The following ARF4 variants were observed in gnomAD, a reference collection of about 807,000 sequenced individuals.
The protein encoded by ARF4 is ARF GTPase 4, also known as ADP-ribosylation factor 4.
Under a neutral mutation model 24.3 loss-of-function variants are expected in ARF4, and 5 were observed. That is an observed-to-expected ratio of 0.21 (90% CI 0.11 to 0.43). The LOEUF is 0.43. Among genes scored for constraint, ARF4 ranks in the 20% least tolerant of loss-of-function variants. The pLI, the probability that ARF4 is intolerant of heterozygous loss-of-function variation, is 1.00. For missense variants in ARF4, 107 were observed against 213.0 expected, an observed-to-expected ratio of 0.50 and a Z score of 3.10; for synonymous variants, 62 against 73.5, an observed-to-expected ratio of 0.84 and a Z score of 0.80.
Position 57,577,405 on chromosome 3 carries a change from C to T in ARF4, c.259-18G>A. On this transcript the variant is annotated intron_variant, in intron 3 of 5. Transcript: ENST00000303436. ...ATAAGACCCTGGGGAAAAATTGTTT[C>T]AGTAAATTTTAACAGTTAAACGACA... 6.2e-7 allele frequency: 1 copy of T among 1,607,756 alleles called. No homozygotes were observed. Among genetic ancestry groups the T allele is most frequent in the Non-Finnish European group, 8.5e-7 (1 of 1,174,578 alleles).
chr3:57,577,398 ATTG>A lies in ARF4; in HGVS notation c.259-14_259-12del. 2 of 1,583,004 alleles carry A rather than the reference ATTG, an allele frequency of 1.3e-6. No homozygotes were observed. The highest frequency in any genetic ancestry group is 1.7e-6 in the Non-Finnish European group (2 of 1,152,782). ...CACAAAAATAAGACCCTGGGGAAAA[ATTG>A]TTTCAGTAAATTTTAACAGTTAAAC... On this transcript the variant is annotated splice_polypyrimidine_tract_variant and intron_variant, in intron 3 of 5. Coordinates refer to ENST00000303436, the MANE Select transcript of ARF4 (RefSeq NM_001660.4).
intron 1 of ARF4, among the ~76,000 whole-genome samples, chr3:57,591,781 GACA>G (rs2070119857): frequency 6.6e-6 from 1 of 151,978 alleles, no homozygotes; most frequent in African/African-American, 2.4e-5. Flanking sequence ...AATGAACTTT[GACA>G]ACATCATGCC....
At position 57,572,059 on chromosome 3, in the gene ARF4, C is replaced by T; in HGVS notation, c.*153G>A. 2 of 601,840 alleles carry T rather than the reference C, an allele frequency of 3.3e-6. No individual in the cohort carries two copies. Among genetic ancestry groups the T allele is most frequent in the South Asian group, 4.3e-5 (2 of 46,046 alleles). 37.3% of individuals were successfully genotyped at this position (601,840 alleles called of 1,614,324 possible). On this transcript the variant is annotated 3_prime_UTR_variant, in exon 6 of 6. Coordinates refer to ENST00000303436, the MANE Select transcript of ARF4 (RefSeq NM_001660.4). Reference sequence around the variant, plus strand: ...CACATTGCTAAATAGCAACATTATACTCGGTAAACAATAATTGGCAACAAA... The same window carrying T: ...CACATTGCTAAATAGCAACATTATATTCGGTAAACAATAATTGGCAACAAA...
intron 4 of ARF4, among the ~76,000 whole-genome samples, chr3:57,576,460 A>T (rs2069903328): frequency 6.6e-6 from 1 of 151,728 alleles, no homozygotes; most frequent in African/African-American, 2.4e-5. Flanking sequence ...ATGCACATTT[A>T]AAAAGGATGA....
intron 1 of ARF4, among the ~76,000 whole-genome samples, chr3:57,595,114 TC>T (rs747302342): frequency 1.6e-4 from 24 of 152,218 alleles, no homozygotes; most frequent in Non-Finnish European, 2.6e-4. Flanking sequence ...CCCATTTTCT[TC>T]GAATCATTTT....
At chr3:57,591,449 C>G (rs1229934966) in intron 1 of ARF4, among the ~76,000 whole-genome samples, 2 of 150,140 alleles carry the variant, frequency 1.3e-5, no homozygotes, top group African/African-American at 4.9e-5. Context: ...TATGAATGAA[C>G]TTTTTTCTTC....
chr3:57,591,043 CCA>C (rs1375372753), intron 1 of ARF4, among the ~76,000 whole-genome samples: 5 of 152,048 alleles, frequency 3.3e-5, no homozygotes, highest in African/African-American at 1.2e-4. Context: ...GAAATGTCCC[CCA>C]CAGTCACAGA....
chr3:57,590,814 G>T (rs1160197160), intron 1 of ARF4, among the ~76,000 whole-genome samples: 2 of 152,092 alleles, frequency 1.3e-5, no homozygotes, highest in Non-Finnish European at 2.9e-5. Flanking sequence ...TAGTAGCTGG[G>T]TCTACAGGGG....
rs763055282 is a variant in ARF4, at chr3:57,597,157, G to A, written c.-17C>T. 1 of 1,610,968 alleles carries A rather than the reference G, an allele frequency of 6.2e-7. No individual in the cohort carries two copies. The highest frequency in any genetic ancestry group is 8.5e-7 in the Non-Finnish European group (1 of 1,177,190). On this transcript the variant is annotated 5_prime_UTR_variant, in exon 1 of 6. Transcript: ENST00000303436. Reference sequence around the variant, plus strand: ...GAGGCCCATGGCGGTAGTGGCACTTGTGATGGGCAGAAGCAGAAGGGGTTT... The same window carrying A: ...GAGGCCCATGGCGGTAGTGGCACTTATGATGGGCAGAAGCAGAAGGGGTTT...
intron 2 of ARF4, 25 bp from the exon 3 acceptor site, chr3:57,584,032 G>T (rs375528380): frequency 7.0e-7 from 1 of 1,429,272 alleles, no homozygotes; most frequent in East Asian, 2.3e-5. Context: ...AAAAATGACC[G>T]CTGTGCAGCG....
intron 1 of ARF4, among the ~76,000 whole-genome samples, chr3:57,596,302 T>C (rs930323837): frequency 6.6e-6 from 1 of 152,236 alleles, no homozygotes; most frequent in South Asian, 2.1e-4. Flanking sequence ...AGGTATTTTT[T>C]AAAAATTCGT....
chr3:57,578,062 A>C lies in ARF4; in HGVS notation c.259-675T>G, dbSNP rs146631110. On this transcript the variant is annotated intron_variant, in intron 3 of 5. Coordinates refer to ENST00000303436, the MANE Select transcript of ARF4 (RefSeq NM_001660.4). ...CGAGACCCTATCTCAAAAAACAAAC[A>C]AAAAAACCCCATGAATTTACTAACT... 2.2e-4 allele frequency among the ~76,000 whole-genome samples: 34 copies of C among 152,160 alleles called. No homozygotes were observed. The East Asian group carries it at 3.1e-3, about 14-fold the overall frequency.
chr3:57,581,703 G>A (rs1262513536), intron 3 of ARF4, among the ~76,000 whole-genome samples: 1 of 152,170 alleles, frequency 6.6e-6, no homozygotes, highest in African/African-American at 2.4e-5. Context: ...GGGAGGCTGA[G>A]GCAGGAGAAT....
intron 3 of ARF4, 86 bp from the exon 4 acceptor site, chr3:57,577,473 G>T: frequency 1.0e-6 from 1 of 1,001,340 alleles, no homozygotes; most frequent in Non-Finnish European, 1.6e-6. Flanking sequence ...GGTACCAATG[G>T]TTAGACATTA....
At chr3:57,587,302 A>T (rs2070050401) in intron 1 of ARF4, among the ~76,000 whole-genome samples, 1 of 148,526 alleles carries the variant, frequency 6.7e-6, no homozygotes, top group Admixed American at 6.9e-5. Context: ...CTGGACAACA[A>T]GAGCGGAACT....
At chr3:57,575,782 C>A (rs2069896117) in intron 4 of ARF4, 109 bp from the exon 5 acceptor site, 6 of 1,219,870 alleles carry the variant, frequency 4.9e-6, no homozygotes, top group Non-Finnish European at 6.6e-6. Flanking sequence ...AAACATTAAC[C>A]TAATTTCTCG....
rs764058520 is a variant in ARF4, at chr3:57,579,253, C to CA, written c.259-1867dup. Among the ~76,000 whole-genome samples the CA allele has an allele frequency of 4.2e-5, 2 of 47,600 alleles. 1 individual carries two copies. Among genetic ancestry groups the CA allele is most frequent in the African/African-American group, 1.7e-4 (2 of 11,472 alleles). The allele number at this position is 47,600 out of a possible 152,430, so 31.2% of individuals were successfully genotyped here. On this transcript the variant is annotated intron_variant, in intron 3 of 5. Transcript: ENST00000303436. ...TGGGCGACAAGAGCAAACTACATCT[C>CA]AAAAAAAAAAAAAAAAAAAAGGAAC...
In ARF4 at chr3:57,584,302, A is replaced by G. The variant is rs117242785; in HGVS notation, c.148+82T>C. 651 of 1,262,562 alleles carry G rather than the reference A, an allele frequency of 5.2e-4. 13 individuals are homozygous for G. The East Asian group carries it at 0.015, about 29-fold the overall frequency. The allele number at this position is 1,262,562 out of a possible 1,614,324, so 78.2% of individuals were successfully genotyped here. On this transcript the variant is annotated intron_variant, in intron 2 of 5. Coordinates refer to ENST00000303436, the MANE Select transcript of ARF4 (RefSeq NM_001660.4). ...TTCTAAGATAATCAACATGCTTAAC[A>G]AAAAGACAATCTCAAAACTAGACTG...
intron 3 of ARF4, among the ~76,000 whole-genome samples, chr3:57,579,368 A>G (rs931702652): frequency 6.6e-6 from 1 of 151,584 alleles, no homozygotes; most frequent in African/African-American, 2.4e-5. Context: ...GCTCACTGCA[A>G]ACCCCTCCTC....
Sources: gnomAD v4.1 joint callset for allele counts (sites outside exome capture counted in the v4.1 genomes callset) on GRCh38, gnomAD v4.1.1 for gene constraint, MANE v1.5 for transcripts, NCBI Gene and HGNC (gene_info 2026-07-23, HGNC 2026-07-21) for gene names.